LRRC49: variants seen among roughly 807,000 people sequenced by gnomAD.
LRRC49 encodes leucine rich repeat containing 49, also known as leucine-rich repeat-containing protein 49.
In LRRC49, 50 loss-of-function variants were observed where a neutral mutation model predicts 83.3. The ratio of observed to expected loss-of-function variants is 0.60; its 90% CI spans 0.48 to 0.76. The LOEUF (loss-of-function observed/expected upper bound fraction) is 0.76. LRRC49 is among the 30% of genes least tolerant of loss of function. The pLI, the probability that LRRC49 is intolerant of heterozygous loss-of-function variation, is 0.00. For synonymous variants in LRRC49, 286 were observed against 283.3 expected, an observed-to-expected ratio of 1.01 and a Z score of -0.10; for missense variants, 704 against 809.1, an observed-to-expected ratio of 0.87 and a Z score of 1.58.
intron 9 of LRRC49, among the ~76,000 whole-genome samples, chr15:70,965,006 C>T (rs1252481122): frequency 1.3e-5 from 2 of 152,164 alleles, no homozygotes; most frequent in Non-Finnish European, 2.9e-5. Flanking sequence ...TTCTAGGGTT[C>T]TGCCTCTCTC....
At chr15:70,874,463 G>A (rs2033112087) in intron 2 of LRRC49, among the ~76,000 whole-genome samples, 1 of 152,212 alleles carries the variant, frequency 6.6e-6, no homozygotes, top group Non-Finnish European at 1.5e-5. Flanking sequence ...ATAAGCTGGA[G>A]ACTATGACCT....
chr15:70,877,979 C>A (rs1156322596), intron 2 of LRRC49, among the ~76,000 whole-genome samples: 1 of 151,978 alleles, frequency 6.6e-6, no homozygotes, highest in Non-Finnish European at 1.5e-5. Flanking sequence ...AATATGAAAA[C>A]AAAATTAGCC....
intron 8 of LRRC49, among the ~76,000 whole-genome samples, chr15:70,942,700 G>A (rs958614837): frequency 9.9e-5 from 15 of 152,130 alleles, no homozygotes; most frequent in African/African-American, 3.1e-4. Flanking sequence ...TGTGCACAAG[G>A]TGGTCAGGGT....
At chr15:70,962,912 C>T (rs143818896) in intron 8 of LRRC49, among the ~76,000 whole-genome samples, 66 of 152,026 alleles carry the variant, frequency 4.3e-4, no homozygotes, top group African/African-American at 1.4e-3. Flanking sequence ...AAGAACATAA[C>T]CTCAGCCTCA....
At chr15:70,958,840 G>T (rs993014292) in intron 8 of LRRC49, among the ~76,000 whole-genome samples, 7 of 152,116 alleles carry the variant, frequency 4.6e-5, no homozygotes, top group Admixed American at 4.6e-4. Context: ...TAATAGCAGG[G>T]TATCTTTTTA....
At chr15:70,854,272 C>A in intron 1 of LRRC49, 1 of 228,706 alleles carries the variant, frequency 4.4e-6, no homozygotes, top group Non-Finnish European at 7.3e-6. Context: ...CGCCACCACC[C>A]CGACCGCTAG....
chr15:71,022,244 G>A (rs552829468), intron 14 of LRRC49, among the ~76,000 whole-genome samples: 4 of 152,112 alleles, frequency 2.6e-5, no homozygotes, highest in African/African-American at 4.8e-5. Flanking sequence ...GTGGTGGAAC[G>A]TGCCTGTAAT....
At chr15:70,943,980 A>AT (rs1031522262) in intron 8 of LRRC49, among the ~76,000 whole-genome samples, 1 of 151,900 alleles carries the variant, frequency 6.6e-6, no homozygotes, top group Non-Finnish European at 1.5e-5. Context: ...ACACATCCAT[A>AT]TTTTTTTTGT....
chr15:70,891,709 A>G, upstream of LRRC49: 5 of 785,532 alleles, frequency 6.4e-6, no homozygotes, highest in Non-Finnish European at 7.9e-6. Flanking sequence ...GATCACCTCT[A>G]AAGCACACCC....
chr15:70,928,192 G>C (rs1036631915), intron 7 of LRRC49, among the ~76,000 whole-genome samples: 11 of 151,806 alleles, frequency 7.2e-5, no homozygotes, highest in African/African-American at 2.7e-4. Context: ...ACATCTTTAG[G>C]CTCCACTTTT....
chr15:71,030,784 A>T (rs1477399486), intron 14 of LRRC49, among the ~76,000 whole-genome samples: 1 of 151,834 alleles, frequency 6.6e-6, no homozygotes, highest in African/African-American at 2.4e-5. Flanking sequence ...AATCTCTGAT[A>T]TCCTTTCTTC....
At chr15:70,936,453 T>C (rs1043348125) in intron 7 of LRRC49, 1 of 270,106 alleles carries the variant, frequency 3.7e-6, no homozygotes, top group African/African-American at 2.2e-5. Flanking sequence ...GTGCTACAGT[T>C]GAAGTGCTGA....
intron 11 of LRRC49, 159 bp downstream of exon 11, chr15:70,984,416 A>C: frequency 1.7e-6 from 1 of 594,008 alleles, no homozygotes; most frequent in South Asian, 2.9e-5. Context: ...TATAAATCTT[A>C]CTATAACATT....
intron 14 of LRRC49, among the ~76,000 whole-genome samples, chr15:71,015,920 G>A (rs1189274548): frequency 2.0e-5 from 3 of 152,140 alleles, no homozygotes; most frequent in African/African-American, 2.4e-5. Context: ...AGAGCGAGAC[G>A]AATTACTTGC....
intron 8 of LRRC49, among the ~76,000 whole-genome samples, chr15:70,962,132 C>G (rs781416327): frequency 6.6e-6 from 1 of 152,116 alleles, no homozygotes; most frequent in African/African-American, 2.4e-5. Flanking sequence ...TCTGATACCT[C>G]TATACATACA....
At chr15:70,937,130 G>A (rs990028529) in intron 8 of LRRC49, among the ~76,000 whole-genome samples, 8 of 152,102 alleles carry the variant, frequency 5.3e-5, no homozygotes, top group South Asian at 2.1e-4. Context: ...TGACATTCAC[G>A]GCACTGGTCA....
intron 8 of LRRC49, among the ~76,000 whole-genome samples, chr15:70,951,798 T>C (rs2036226641): frequency 6.6e-6 from 1 of 152,158 alleles, no homozygotes. Flanking sequence ...TAGTACTATG[T>C]TGAATAGGAG....
At chr15:70,994,135 C>T (rs1033073961) in intron 11 of LRRC49, among the ~76,000 whole-genome samples, 1 of 152,174 alleles carries the variant, frequency 6.6e-6, no homozygotes, top group Non-Finnish European at 1.5e-5. Context: ...GCTTGAGCCA[C>T]CGCACATGGC....
At position 70,919,444 on chromosome 15, in the gene LRRC49, G is replaced by A. The variant is rs565858426; in HGVS notation, c.711+251G>A. 3.3e-5 allele frequency among the ~76,000 whole-genome samples: 5 copies of A among 152,282 alleles called. No homozygotes were observed. The South Asian group carries it at 6.2e-4, about 19-fold the overall frequency. On this transcript the variant is annotated intron_variant, in intron 7 of 15. Transcript: ENST00000260382. ...GTGTTATCACTAAATGAATCATTTGGTGTAAATGAGTAGTAAACCCTCTTC... is the reference window on the plus strand; with the variant it reads ...GTGTTATCACTAAATGAATCATTTGATGTAAATGAGTAGTAAACCCTCTTC...
Sources: allele counts gnomAD v4.1 joint callset (sites outside exome capture counted in the v4.1 genomes callset), GRCh38; gene constraint gnomAD v4.1.1; transcripts MANE v1.5; gene names NCBI Gene and HGNC (gene_info 2026-07-23, HGNC 2026-07-21).